Variants in SEC61A2 observed in about 807,000 individuals in gnomAD.
SEC61A2 encodes SEC61 translocon subunit alpha 2.
In SEC61A2, 28 loss-of-function variants were observed where a neutral mutation model predicts 59.9. The ratio of observed to expected loss-of-function variants is 0.47; its 90% CI spans 0.35 to 0.64. The LOEUF is 0.64. Ranked by LOEUF, SEC61A2 falls within the 30% of genes least tolerant of loss-of-function variation. SEC61A2 has a pLI of 0.01. For missense variants in SEC61A2, 340 were observed against 585.9 expected (o/e 0.58, Z 4.33); for synonymous variants, 202 against 214.4 (o/e 0.94, Z 0.50).
chr10:12,150,878 A>G (rs1019286174), intron 6 of SEC61A2, among the ~76,000 whole-genome samples: 2 of 151,672 alleles, frequency 1.3e-5, no homozygotes, highest in Admixed American at 6.6e-5. Flanking sequence ...GTGTTCAAGC[A>G]ATTCTCCTGC....
At chr10:12,146,647 A>T (rs1488284200) in intron 4 of SEC61A2, among the ~76,000 whole-genome samples, 1 of 150,932 alleles carries the variant, frequency 6.6e-6, no homozygotes, top group Non-Finnish European at 1.5e-5. Context: ...CCTCCTGAGT[A>T]GCTGGGACTA....
At chr10:12,135,586 T>C (rs570035462) in intron 2 of SEC61A2, among the ~76,000 whole-genome samples, 9 of 152,322 alleles carry the variant, frequency 5.9e-5, no homozygotes, top group Admixed American at 5.9e-4. Context: ...ACCCATTAAG[T>C]AATTTCTCAT....
intron 11 of SEC61A2, among the ~76,000 whole-genome samples, chr10:12,163,648 G>A (rs1320040189): frequency 6.6e-6 from 1 of 151,806 alleles, no homozygotes; most frequent in Non-Finnish European, 1.5e-5. Context: ...TTTTGCTTGG[G>A]GGCATCCTGT....
At position 12,164,102 on chromosome 10, in the gene SEC61A2, C is replaced by T. The variant is rs1049196371; in HGVS notation, c.1245-166C>T. 6.6e-6 allele frequency among the ~76,000 whole-genome samples: 1 copy of T among 152,194 alleles called. No homozygotes were observed. The highest frequency in any genetic ancestry group is 1.5e-5 in the Non-Finnish European group (1 of 68,028). On this transcript the variant is annotated intron_variant, in intron 11 of 11. Transcript: ENST00000298428. This position sits in a 1 kb window ranked among gnomAD's most constrained non-coding sequence, Gnocchi z 7.3. The stretch of plus-strand genomic sequence containing the variant: ...CTTTGCCTGGATCAGAGCTCCTGTT[C>T]CCATGCCGTGCCCTGCACACCCCTC...
In SEC61A2 at chr10:12,145,957, G is replaced by T. The variant is rs1359678446; in HGVS notation, c.220+2762G>T. On this transcript the variant is annotated intron_variant, in intron 4 of 11. Coordinates refer to ENST00000298428, the MANE Select transcript of SEC61A2 (RefSeq NM_018144.4). This position sits in a 1 kb window ranked among gnomAD's most constrained non-coding sequence, Gnocchi z 4.4. The stretch of plus-strand genomic sequence containing the variant: ...CAAGGCCAGCCCTTAGGCCTCAGCA[G>T]CAGGGATTGGTGAACATTTTCCATT... 1.3e-5 allele frequency among the ~76,000 whole-genome samples: 2 copies of T among 152,182 alleles called. No homozygotes were observed. The highest frequency in any genetic ancestry group is 2.9e-5 in the Non-Finnish European group (2 of 68,036).
intron 9 of SEC61A2, among the ~76,000 whole-genome samples, chr10:12,159,836 G>GC (rs574763763): frequency 1.7e-3 from 217 of 130,824 alleles, no homozygotes; most frequent in Non-Finnish European, 3.2e-3. Flanking sequence ...GTCTTAATAT[G>GC]CTTTTTTTTT....
At chr10:12,150,031 C>G (rs895187563) in intron 6 of SEC61A2, 70 bp downstream of exon 6, 2 of 997,314 alleles carry the variant, frequency 2.0e-6, no homozygotes, top group South Asian at 2.8e-5. Context: ...TCTAACAGTT[C>G]TTTAGGTGAT....
intron 3 of SEC61A2, among the ~76,000 whole-genome samples, chr10:12,139,719 G>A (rs1474316683): frequency 2.6e-5 from 4 of 152,216 alleles, no homozygotes; most frequent in African/African-American, 9.6e-5. Flanking sequence ...AGGATGCAGA[G>A]CTTGCAGTGA....
At chr10:12,139,705 AC>A (rs1336632575) in intron 3 of SEC61A2, among the ~76,000 whole-genome samples, 1 of 152,092 alleles carries the variant, frequency 6.6e-6, no homozygotes, top group Non-Finnish European at 1.5e-5. Context: ...AATGGCATGA[AC>A]CCAGGATGCA....
At position 12,161,508 on chromosome 10, in the gene SEC61A2, C is replaced by T. The variant is rs932938683; in HGVS notation, c.1167+387C>T. Among the ~76,000 whole-genome samples, 1 of 152,022 alleles carries T rather than the reference C, an allele frequency of 6.6e-6. No individual in the cohort carries two copies. The highest frequency in any genetic ancestry group is 2.1e-4 in the South Asian group (1 of 4,822). ...CTGTAATCCCAGCACTTCGGGAGGCCGAGGTGGGCAGATCCCATGGGTAGG... is the reference window on the plus strand; with the variant it reads ...CTGTAATCCCAGCACTTCGGGAGGCTGAGGTGGGCAGATCCCATGGGTAGG... On this transcript the variant is annotated intron_variant, in intron 10 of 11. Coordinates refer to ENST00000298428, the MANE Select transcript of SEC61A2 (RefSeq NM_018144.4). The surrounding 1 kb of genome is among the most constrained non-coding windows in gnomAD (Gnocchi z 5.4).
At chr10:12,167,877 C>T, downstream of SEC61A2, 1 of 1,601,286 alleles carries the variant, frequency 6.2e-7, no homozygotes, top group East Asian at 2.2e-5. Flanking sequence ...CTTATTCAAT[C>T]AGTGTTTGCG....
At chr10:12,134,254 G>A (rs553741422) in intron 2 of SEC61A2, among the ~76,000 whole-genome samples, 8 of 152,302 alleles carry the variant, frequency 5.3e-5, no homozygotes, top group South Asian at 4.1e-4. Flanking sequence ...TGATCTGCCC[G>A]CCTCAGCCTC....
chr10:12,156,992 TTATCGGCAGA>T lies in SEC61A2; in HGVS notation c.703_712del (p.Tyr235ThrfsTer6). The T allele has an allele frequency of 6.2e-7, 1 of 1,614,110 alleles. No individual in the cohort carries two copies. The highest frequency in any genetic ancestry group is 8.5e-7 in the Non-Finnish European group (1 of 1,179,972). ...AAGTCCGAGCTTTACGGGAGGCTTT[TTATCGGCAGA>T]ACTTACCCAATCTCATGAACCTCAT... On this transcript the variant is annotated frameshift_variant, in exon 8 of 12. Coordinates refer to ENST00000298428, the MANE Select transcript of SEC61A2 (RefSeq NM_018144.4). LOFTEE classifies it high-confidence loss of function. The surrounding 1 kb of genome is among the most constrained non-coding windows in gnomAD (Gnocchi z 5.2).
intron 6 of SEC61A2, 134 bp downstream of exon 6, chr10:12,150,095 T>G: frequency 4.7e-6 from 3 of 641,108 alleles, no homozygotes; most frequent in Non-Finnish European, 7.8e-6. Context: ...TTTTGATCAC[T>G]GAAGTGATAC....
Position 12,155,995 on chromosome 10 carries a change from C to A in SEC61A2, c.616+64C>A. The A allele has an allele frequency of 1.3e-6, 2 of 1,566,336 alleles. No individual in the cohort carries two copies. Among genetic ancestry groups the A allele is most frequent in the South Asian group, 1.1e-5 (1 of 89,352 alleles). ...GGATGTGTGCTGGGAACAAACCCAT[C>A]GTGTCGCAGTACATGCCTAGAGCCG... On this transcript the variant is annotated intron_variant, in intron 7 of 11. Coordinates refer to ENST00000298428, the MANE Select transcript of SEC61A2 (RefSeq NM_018144.4). The surrounding 1 kb of genome is among the most constrained non-coding windows in gnomAD (Gnocchi z 4.3).
In SEC61A2 at chr10:12,161,015, T is replaced by A. The variant is rs767046071; in HGVS notation, c.1061T>A (p.Ile354Asn). 1 of 1,614,194 alleles carries A rather than the reference T, an allele frequency of 6.2e-7. No homozygotes were observed. The highest frequency in any genetic ancestry group is 1.1e-5 in the South Asian group (1 of 91,076). ...TCTCCTCCTGAGTCCATGGGCGCCA[T>A]CTTTGAGGATCCTGTCCATGTCGTT... is the stretch of plus-strand genomic sequence containing the variant. ...YLSPPESMGA[I>N]FEDPVHVVVY... is the part of the protein sequence containing the mutation. Residue 354 changes from isoleucine (I) to asparagine (N), a missense_variant, in exon 10 of 12, where the codon ATC (isoleucine) becomes AAC (asparagine). Coordinates refer to ENST00000298428, the MANE Select transcript of SEC61A2 (RefSeq NM_018144.4). The surrounding 1 kb of genome is among the most constrained non-coding windows in gnomAD (Gnocchi z 5.4).
downstream of SEC61A2, among the ~76,000 whole-genome samples, chr10:12,168,249 C>T (rs191829687): frequency 6.6e-6 from 1 of 152,284 alleles, no homozygotes; most frequent in African/African-American, 2.4e-5. The surrounding 1 kb of genome is among the most constrained non-coding windows in gnomAD (Gnocchi z 4.8). Flanking sequence ...TGGTTTCGAT[C>T]TCCTGACCTC....
rs1564414909 is a variant in SEC61A2, at chr10:12,156,416, A to T, written c.616+485A>T. Among the ~76,000 whole-genome samples the T allele has an allele frequency of 6.6e-6, 1 of 152,182 alleles. No homozygotes were observed. Among genetic ancestry groups the T allele is most frequent in the African/African-American group, 2.4e-5 (1 of 41,452 alleles). On this transcript the variant is annotated intron_variant, in intron 7 of 11. Coordinates refer to ENST00000298428, the MANE Select transcript of SEC61A2 (RefSeq NM_018144.4). The surrounding 1 kb of genome is among the most constrained non-coding windows in gnomAD (Gnocchi z 5.2). ...CCCCTTCCTCATCTCCACTTCTAAC[A>T]GATACTGTCCTAAGTGGTTAATACC...
chr10:12,147,516 C>T (rs576778500), intron 4 of SEC61A2, among the ~76,000 whole-genome samples: 43 of 152,202 alleles, frequency 2.8e-4, no homozygotes, highest in African/African-American at 1.0e-3. Flanking sequence ...GAAACCCCAT[C>T]TCTACCAAAA....
Sources: gnomAD v4.1 joint callset for allele counts (sites outside exome capture counted in the v4.1 genomes callset) on GRCh38, gnomAD v4.1.1 for gene constraint, Gnocchi (gnomAD v3.1) non-coding constraint, MANE v1.5 for transcripts, NCBI Gene and HGNC (gene_info 2026-07-23, HGNC 2026-07-21) for gene names.